Variants in EXOC6B observed in about 807,000 individuals in gnomAD.
The protein encoded by EXOC6B is SEC15 homolog B.
In EXOC6B, 54 loss-of-function variants were observed where a neutral mutation model predicts 113.5. That is an observed-to-expected ratio of 0.48 (90% CI 0.38 to 0.60). The LOEUF (loss-of-function observed/expected upper bound fraction) is 0.60, where lower values mean the gene tolerates loss of function less well. Among genes scored for constraint, EXOC6B ranks in the 20% least tolerant of loss-of-function variants. The probability of loss-of-function intolerance (pLI) is 0.00; values close to 1 mark genes in which losing one functional copy is unlikely to be tolerated. For synonymous variants in EXOC6B, 357 were observed against 339.0 expected, an observed-to-expected ratio of 1.05 and a Z score of -0.58; for missense variants, 797 against 977.5, an observed-to-expected ratio of 0.82 and a Z score of 2.46.
chr2:72,256,366 T>G (rs183341166), intron 20 of EXOC6B, among the ~76,000 whole-genome samples: 1 of 152,358 alleles, frequency 6.6e-6, no homozygotes, highest in Admixed American at 6.5e-5. Context: ...TCAAATCATT[T>G]TGCAGATAGG....
intron 6 of EXOC6B, among the ~76,000 whole-genome samples, chr2:72,605,589 G>T (rs1670706110): frequency 6.6e-6 from 1 of 152,124 alleles, no homozygotes; most frequent in South Asian, 2.1e-4. Context: ...ATTGTAATAA[G>T]AAGAAACCTT....
At chr2:72,727,192 TAAG>T (rs1199656681) in intron 5 of EXOC6B, among the ~76,000 whole-genome samples, 5 of 152,100 alleles carry the variant, frequency 3.3e-5, no homozygotes, top group African/African-American at 4.8e-5. Context: ...TTTAAAAAGA[TAAG>T]AATACACAGA....
chr2:72,610,579 T>C (rs898648346), intron 6 of EXOC6B, among the ~76,000 whole-genome samples: 2 of 152,104 alleles, frequency 1.3e-5, no homozygotes, highest in African/African-American at 2.4e-5. Flanking sequence ...ATAAATAACA[T>C]AGTATTGTAT....
At chr2:72,307,305 AT>A (rs1013841643) in intron 20 of EXOC6B, among the ~76,000 whole-genome samples, 9 of 148,406 alleles carry the variant, frequency 6.1e-5, no homozygotes, top group South Asian at 4.3e-4. Context: ...ACGTCCGGCT[AT>A]TTTTTTTTTC....
intron 20 of EXOC6B, among the ~76,000 whole-genome samples, chr2:72,189,458 G>A (rs1678670165): frequency 1.3e-5 from 2 of 152,148 alleles, no homozygotes; most frequent in Admixed American, 1.3e-4. Context: ...ACCTGATTAA[G>A]ATGTTGTCTG....
chr2:72,601,112 ATGTGTGTGTGTATG>A lies in EXOC6B; in HGVS notation c.670-25458_670-25445del, dbSNP rs1443183255. Among the ~76,000 whole-genome samples, 865 of 141,684 alleles carry A rather than the reference ATGTGTGTGTGTATG, an allele frequency of 6.1e-3. 51 individuals are homozygous for A. Among genetic ancestry groups the A allele is most frequent in the Admixed American group, 0.055 (747 of 13,676 alleles). 93.0% of individuals were successfully genotyped at this position (141,684 alleles called of 152,430 possible). A position where few individuals can be genotyped will look rare whatever the true frequency, so the allele number is the denominator to read the frequency against. ...GACTTGTATGGCTACATATATATAT[ATGTGTGTGTGTATG>A]TGTGTGTGTGTGTGTGTGTGTGTGT... On this transcript the variant is annotated intron_variant, in intron 6 of 21. Transcript: ENST00000272427.
Position 72,471,314 on chromosome 2 carries a change from GT to G in EXOC6B, c.1801-5976del, listed in dbSNP as rs1474346000. On this transcript the variant is annotated intron_variant, in intron 17 of 21. Transcript: ENST00000272427. ...CCTTCGCCCACTTTTTGATGGGGTT[GT>G]TTTTTTCTTGTAAATTTGTTTGAGT... Among the ~76,000 whole-genome samples the G allele has an allele frequency of 1.2e-4, 19 of 152,078 alleles. 1 individual carries two copies. Among genetic ancestry groups the G allele is most frequent in the African/African-American group, 4.3e-4 (18 of 41,506 alleles).
At chr2:72,502,112 A>C (rs1700356451) in intron 11 of EXOC6B, among the ~76,000 whole-genome samples, 1 of 152,222 alleles carries the variant, frequency 6.6e-6, no homozygotes, top group Non-Finnish European at 1.5e-5. Flanking sequence ...AATTAATAGC[A>C]TTAATTACAA....
chr2:72,411,230 C>G (rs1359416515), intron 18 of EXOC6B, among the ~76,000 whole-genome samples: 3 of 151,878 alleles, frequency 2.0e-5, no homozygotes, highest in Admixed American at 6.6e-5. Flanking sequence ...AATAAACAAA[C>G]AAAAATAGAC....
At chr2:72,479,695 A>G (rs1427419760) in intron 17 of EXOC6B, among the ~76,000 whole-genome samples, 1 of 152,198 alleles carries the variant, frequency 6.6e-6, no homozygotes, top group Non-Finnish European at 1.5e-5. Flanking sequence ...AGCTCACATA[A>G]ATATGAAGGA....
At chr2:72,464,096 G>C (rs1266291784) in intron 18 of EXOC6B, 1 of 152,104 alleles carries the variant, frequency 6.6e-6, no homozygotes, top group Admixed American at 6.6e-5. Context: ...CTGGTTATTA[G>C]ATTCAACATA....
intron 18 of EXOC6B, among the ~76,000 whole-genome samples, chr2:72,431,483 CTTTATCTA>C (rs1232735999): frequency 5.7e-5 from 6 of 105,326 alleles, no homozygotes; most frequent in African/African-American, 2.5e-4. Flanking sequence ...GGCTTGATTT[CTTTATCTA>C]TCTATCTATC....
At chr2:72,195,253 A>G (rs1679096866) in intron 20 of EXOC6B, among the ~76,000 whole-genome samples, 2 of 152,198 alleles carry the variant, frequency 1.3e-5, no homozygotes, top group Non-Finnish European at 2.9e-5. Context: ...TATTCCTTTG[A>G]GTCCGAGACT....
At position 72,627,780 on chromosome 2, in the gene EXOC6B, C is replaced by G. The variant is rs534582159; in HGVS notation, c.670-52112G>C. Among the ~76,000 whole-genome samples, 21 of 152,256 alleles carry G rather than the reference C, an allele frequency of 1.4e-4. No individual in the cohort carries two copies. The South Asian group carries it at 4.3e-3, about 32-fold the overall frequency. On this transcript the variant is annotated intron_variant, in intron 6 of 21. Transcript: ENST00000272427. ...TAACTCGCAAGAAATTCCTCTATTT[C>G]TCATTTTTAGTTATGTTGCCCAGGC...
intron 6 of EXOC6B, among the ~76,000 whole-genome samples, chr2:72,698,028 G>C (rs1433213093): frequency 6.6e-6 from 1 of 152,164 alleles, no homozygotes; most frequent in Non-Finnish European, 1.5e-5. Context: ...CAGGAAATAA[G>C]AGAAGAAAAG....
At chr2:72,544,972 G>C (rs1199696414) in intron 8 of EXOC6B, among the ~76,000 whole-genome samples, 1 of 152,054 alleles carries the variant, frequency 6.6e-6, no homozygotes, top group African/African-American at 2.4e-5. Flanking sequence ...TAAAGGAATA[G>C]TAAATGACCC....
At chr2:72,297,578 G>A (rs1686221062) in intron 20 of EXOC6B, among the ~76,000 whole-genome samples, 1 of 152,038 alleles carries the variant, frequency 6.6e-6, no homozygotes, top group South Asian at 2.1e-4. Context: ...TGCTTCTCTA[G>A]TTCTTTTAAT....
intron 8 of EXOC6B, among the ~76,000 whole-genome samples, chr2:72,525,227 T>C (rs1188445945): frequency 6.6e-6 from 1 of 152,220 alleles, no homozygotes; most frequent in Non-Finnish European, 1.5e-5. Context: ...GTAATTAGCT[T>C]CCCCTTTCCA....
chr2:72,724,049 T>C (rs2104746701), intron 5 of EXOC6B, among the ~76,000 whole-genome samples: 1 of 152,288 alleles, frequency 6.6e-6, no homozygotes, highest in African/African-American at 2.4e-5. Flanking sequence ...GGAAAGTTGA[T>C]TCAGCTTGAA....
Sources: allele counts gnomAD v4.1 joint callset (sites outside exome capture counted in the v4.1 genomes callset), GRCh38; gene constraint gnomAD v4.1.1; transcripts MANE v1.5; gene names NCBI Gene and HGNC (gene_info 2026-07-23, HGNC 2026-07-21).